TARS3: variants seen among roughly 807,000 people sequenced by gnomAD.
TARS3 encodes the protein threonyl-tRNA synthetase 3.
Under a neutral mutation model 103.5 loss-of-function variants are expected in TARS3, and 94 were observed. The observed-to-expected ratio is 0.91, with a 90% CI of 0.77 to 1.08. TARS3 has a LOEUF of 1.08. Ranked by LOEUF, TARS3 falls within the 50% of genes least tolerant of loss-of-function variation. The pLI is 0.00. For missense variants in TARS3, 952 were observed against 995.2 expected, an observed-to-expected ratio of 0.96 and a Z score of 0.58; for synonymous variants, 416 against 355.4, an observed-to-expected ratio of 1.17 and a Z score of -1.92.
At chr15:101,712,502 T>A (rs1899917689) in intron 4 of TARS3, among the ~76,000 whole-genome samples, 2 of 152,156 alleles carry the variant, frequency 1.3e-5, no homozygotes, top group Admixed American at 1.3e-4. Context: ...CTTCGTGTGT[T>A]GAATAGCATG....
rs1468665938 is a variant in TARS3 at position 101,721,338 on chromosome 15, A to G, written c.370-16T>C. 1.3e-6 allele frequency: 2 copies of G among 1,596,074 alleles called. No individual in the cohort carries two copies. The highest frequency in any genetic ancestry group is 4.5e-5 in the East Asian group (2 of 44,604). On this transcript the variant is annotated splice_polypyrimidine_tract_variant and intron_variant, in intron 2 of 18. Transcript: ENST00000335968. The stretch of plus-strand genomic sequence containing the variant: ...GATGCTTCACCTGGAAATTATTAGA[A>G]CATAATGAGATTAATATATACAGCC...
intron 9 of TARS3, 108 bp downstream of exon 9, chr15:101,702,131 A>T: frequency 7.4e-7 from 1 of 1,359,950 alleles, no homozygotes; most frequent in South Asian, 1.3e-5. Context: ...GCAAAATAGG[A>T]GAGAAGAAGA....
chr15:101,655,006 G>A (rs1897146149), intron 18 of TARS3, among the ~76,000 whole-genome samples: 1 of 151,822 alleles, frequency 6.6e-6, no homozygotes, highest in Non-Finnish European at 1.5e-5. Flanking sequence ...ACTGCACCTG[G>A]CACTAGGGCG....
intron 10 of TARS3, among the ~76,000 whole-genome samples, chr15:101,688,718 A>AT (rs1293256329): frequency 6.6e-6 from 1 of 152,206 alleles, no homozygotes; most frequent in East Asian, 1.9e-4. Context: ...GATGAATGCT[A>AT]TAATAAGTTA....
At position 101,706,650 on chromosome 15, in the gene TARS3, C is replaced by T. The variant is rs148670576; in HGVS notation, c.931-903G>A. On this transcript the variant is annotated intron_variant, in intron 6 of 18. Coordinates refer to ENST00000335968, the MANE Select transcript of TARS3 (RefSeq NM_152334.3). ...GTATAAAAACAAAAGCAAAGTTTAT[C>T]GTAATGATGATATATTTATAAAACT... is the stretch of plus-strand genomic sequence containing the variant. Among the ~76,000 whole-genome samples, 51 of 152,222 alleles carry T rather than the reference C, an allele frequency of 3.4e-4. 1 individual carries two copies. Among genetic ancestry groups the T allele is most frequent in the African/African-American group, 1.1e-3 (45 of 41,550 alleles).
In TARS3 at chr15:101,656,936, T is replaced by C. The variant is rs1371294282; in HGVS notation, c.2246A>G (p.Tyr749Cys). 5 of 1,608,012 alleles carry C rather than the reference T, an allele frequency of 3.1e-6. No homozygotes were observed. The South Asian group carries it at 5.6e-5, about 18-fold the overall frequency. The part of the protein sequence containing the change: ...KKIRNAQLAQ[Y>C]NFILVVGEKE... The stretch of plus-strand genomic sequence containing the variant: ...ACTTAAATTACCCAAAATAAAATTA[T>C]ACTGAGCCAGCTGTGCATTTCGTAT... The change falls in exon 18 of 19, where the codon TAT becomes TGT. Residue 749 changes from tyrosine to cysteine, a missense_variant. Physicochemically the swap from Tyr to Cys is radical, Grantham distance 194. This residue lies in a region of TARS3 where 540 missense variants were observed against 631.0 expected (regional missense o/e 0.86). Coordinates refer to ENST00000335968, the MANE Select transcript of TARS3 (RefSeq NM_152334.3).
chr15:101,675,268 A>G (rs1267144270), intron 13 of TARS3, among the ~76,000 whole-genome samples: 1 of 152,208 alleles, frequency 6.6e-6, no homozygotes, highest in East Asian at 1.9e-4. Flanking sequence ...AGATGACTCA[A>G]CAGGCAATGC....
intron 3 of TARS3, among the ~76,000 whole-genome samples, chr15:101,716,938 C>A (rs1040219889): frequency 1.3e-5 from 2 of 148,242 alleles, no homozygotes; most frequent in African/African-American, 5.0e-5. Flanking sequence ...CTCACTGCAA[C>A]CTCTACCTTC....
chr15:101,683,235 A>G (rs1205380888), intron 12 of TARS3, among the ~76,000 whole-genome samples: 14 of 152,180 alleles, frequency 9.2e-5, no homozygotes, highest in Non-Finnish European at 5.9e-5. Flanking sequence ...GCAGGTATTC[A>G]GTGCTATAAA....
chr15:101,685,031 A>C (rs1471569867), intron 11 of TARS3, among the ~76,000 whole-genome samples: 1 of 152,216 alleles, frequency 6.6e-6, no homozygotes, highest in Admixed American at 6.5e-5. Flanking sequence ...ATGTTTACAT[A>C]CCGGTGTTCC....
At chr15:101,704,328 G>C (rs1333300543) in intron 7 of TARS3, among the ~76,000 whole-genome samples, 1 of 152,154 alleles carries the variant, frequency 6.6e-6, no homozygotes, top group Non-Finnish European at 1.5e-5. Context: ...TGCCAAATTA[G>C]CATGAAAGGC....
chr15:101,675,659 G>C lies in TARS3; in HGVS notation c.1729C>G (p.Leu577Val). Residue 577 changes from leucine to valine, a missense_variant, in exon 13 of 19, where the codon CTG (leucine) becomes GTG (valine). Transcript: ENST00000335968. Reference sequence around the variant, plus strand: ...AGGAAGTTTTCCGGCCTTGTTGACAGGTTTAATTGAAAGGAGAAGCCAAAT... The same window carrying C: ...AGGAAGTTTTCCGGCCTTGTTGACACGTTTAATTGAAAGGAGAAGCCAAAT... ...STFGFSFQLN[L>V]STRPENFLGE... 2 of 1,614,068 alleles carry C rather than the reference G, an allele frequency of 1.2e-6. No homozygotes were observed. The highest frequency in any genetic ancestry group is 8.5e-7 in the Non-Finnish European group (1 of 1,180,006).
In TARS3 at chr15:101,697,380, T is replaced by C. The variant is rs149633923; in HGVS notation, c.1320+3706A>G. On this transcript the variant is annotated intron_variant, in intron 10 of 18. Transcript: ENST00000335968. ...GGTAACACTGTCACCAGAAGTAACA[T>C]GGAAAACAGAAAGGGTACCCAAAGA... 2.5e-3 allele frequency among the ~76,000 whole-genome samples: 375 copies of C among 152,072 alleles called. 2 individuals carry two copies. Among genetic ancestry groups the C allele is most frequent in the African/African-American group, 8.5e-3 (351 of 41,474 alleles).
chr15:101,699,438 A>G (rs1167326511), intron 10 of TARS3: 176 of 455,900 alleles, frequency 3.9e-4, no homozygotes, highest in Non-Finnish European at 6.6e-5. Context: ...TCTTGCATCT[A>G]TAAAAAATAA....
At chr15:101,705,087 T>C (rs1019054332) in intron 7 of TARS3, among the ~76,000 whole-genome samples, 1 of 152,232 alleles carries the variant, frequency 6.6e-6, no homozygotes, top group Non-Finnish European at 1.5e-5. Context: ...AGCAATGACA[T>C]ATAAGGCGTA....
chr15:101,678,914 T>G (rs1898141367), intron 12 of TARS3, among the ~76,000 whole-genome samples: 1 of 152,212 alleles, frequency 6.6e-6, no homozygotes, highest in Non-Finnish European at 1.5e-5. Context: ...GAATTCTGGG[T>G]TGAAAATTCC....
intron 4 of TARS3, 105 bp downstream of exon 4, chr15:101,714,735 C>A (rs1319200808): frequency 2.3e-5 from 23 of 1,018,076 alleles, no homozygotes; most frequent in Non-Finnish European, 3.1e-5. Flanking sequence ...ATCTTAGAAA[C>A]CCCCAAAAAA....
At chr15:101,715,903 C>T (rs910162978) in intron 3 of TARS3, among the ~76,000 whole-genome samples, 74 of 152,082 alleles carry the variant, frequency 4.9e-4, no homozygotes, top group Non-Finnish European at 1.0e-4. Context: ...CCACGTACCC[C>T]GATTTTTAAA....
intron 12 of TARS3, among the ~76,000 whole-genome samples, chr15:101,682,033 T>G (rs1368392839): frequency 1.3e-5 from 2 of 152,252 alleles, no homozygotes; most frequent in Non-Finnish European, 2.9e-5. Flanking sequence ...TTACTTCTAA[T>G]AGCTTTCTGT....
Sources: allele counts gnomAD v4.1 joint callset (sites outside exome capture counted in the v4.1 genomes callset), GRCh38; gene constraint gnomAD v4.1.1; regional missense constraint gnomAD v4.1.1; transcripts MANE v1.5; gene names NCBI Gene and HGNC (gene_info 2026-07-23, HGNC 2026-07-21).